Variants in PALM2AKAP2 observed in about 807,000 individuals in gnomAD.
The protein encoded by PALM2AKAP2 is PALM2-AKAP2 fusion protein.
A neutral mutation model predicts 71.5 loss-of-function variants in PALM2AKAP2; 37 were observed. The ratio of observed to expected loss-of-function variants is 0.52; its 90% CI spans 0.40 to 0.68. PALM2AKAP2 has a LOEUF of 0.68. Ranked by LOEUF, PALM2AKAP2 falls within the 30% of genes least tolerant of loss-of-function variation. The pLI is 0.00. For missense variants in PALM2AKAP2, 1,224 were observed against 1,191.8 expected (o/e 1.03, Z -0.40); for synonymous variants, 468 against 478.8 (o/e 0.98, Z 0.29).
At chr9:109,654,189 G>A (rs1290325792) in intron 1 of PALM2AKAP2, among the ~76,000 whole-genome samples, 1 of 151,982 alleles carries the variant, frequency 6.6e-6, no homozygotes, top group Admixed American at 6.6e-5. Context: ...TAATATCTTG[G>A]TATAAATCTC....
At chr9:109,885,806 C>G (rs1438463758) in intron 3 of PALM2AKAP2, among the ~76,000 whole-genome samples, 2 of 152,200 alleles carry the variant, frequency 1.3e-5, no homozygotes, top group Non-Finnish European at 2.9e-5. Flanking sequence ...TTAGAAACAG[C>G]CTTGGTTTAC....
At chr9:109,839,656 T>G (rs1828596423) in intron 1 of PALM2AKAP2, among the ~76,000 whole-genome samples, 1 of 152,248 alleles carries the variant, frequency 6.6e-6, no homozygotes, top group Non-Finnish European at 1.5e-5. Flanking sequence ...CTTAAGCTGA[T>G]AAGCAACTTC....
intron 1 of PALM2AKAP2, among the ~76,000 whole-genome samples, chr9:109,655,106 T>A (rs931293201): frequency 6.6e-6 from 1 of 151,928 alleles, no homozygotes; most frequent in Non-Finnish European, 1.5e-5. Flanking sequence ...TGGCTGATGG[T>A]CTCAGGGTTT....
chr9:109,969,251 G>T (rs1832017716), intron 6 of PALM2AKAP2, among the ~76,000 whole-genome samples: 1 of 152,174 alleles, frequency 6.6e-6, no homozygotes, highest in Admixed American at 6.5e-5. Context: ...CTGCTGGTCT[G>T]GGCCAAATAG....
intron 1 of PALM2AKAP2, among the ~76,000 whole-genome samples, chr9:109,794,172 C>T (rs907911191): frequency 2.0e-5 from 3 of 152,192 alleles, no homozygotes; most frequent in East Asian, 1.9e-4. Flanking sequence ...TTTTGTTTAC[C>T]GAAGCTGGCA....
At chr9:109,724,336 CA>C (rs550646925) in intron 1 of PALM2AKAP2, among the ~76,000 whole-genome samples, 60 of 152,274 alleles carry the variant, frequency 3.9e-4, no homozygotes, top group Non-Finnish European at 3.8e-4. Context: ...AAATGTAATA[CA>C]GTTTCAATTA....
chr9:110,169,288 A>T (rs1364533908), exon 4 of PALM2AKAP2: 2 of 152,646 alleles, frequency 1.3e-5, no homozygotes, highest in Non-Finnish European at 2.9e-5. Flanking sequence ...GTTTCTTCAT[A>T]GGAAAACTAT....
At chr9:109,781,197 C>A (rs745552585) in intron 1 of PALM2AKAP2, among the ~76,000 whole-genome samples, 1 of 152,116 alleles carries the variant, frequency 6.6e-6, no homozygotes, top group Non-Finnish European at 1.5e-5. Flanking sequence ...TGGCAAAGTT[C>A]GTAGGCACTT....
chr9:110,111,095 T>C (rs1310498266), intron 1 of PALM2AKAP2, among the ~76,000 whole-genome samples: 13 of 130,864 alleles, frequency 9.9e-5, no homozygotes, highest in Non-Finnish European at 1.6e-4. Flanking sequence ...TCTTTTTTTT[T>C]TTTTTTTTTT....
chr9:109,872,146 G>C (rs930979835), intron 2 of PALM2AKAP2, among the ~76,000 whole-genome samples: 12 of 151,962 alleles, frequency 7.9e-5, no homozygotes, highest in African/African-American at 2.9e-4. Flanking sequence ...AATCCCTATA[G>C]CTTTTTAATA....
intron 1 of PALM2AKAP2, among the ~76,000 whole-genome samples, chr9:110,097,579 C>T (rs1409562695): frequency 1.3e-5 from 2 of 149,790 alleles, no homozygotes; most frequent in Non-Finnish European, 3.0e-5. Flanking sequence ...CGGGCAGAGA[C>T]GCTCCTCACT....
intron 1 of PALM2AKAP2, among the ~76,000 whole-genome samples, chr9:109,832,872 C>G (rs1317549739): frequency 6.6e-6 from 1 of 152,214 alleles, no homozygotes; most frequent in Non-Finnish European, 1.5e-5. Context: ...GGAATATGCA[C>G]TGAACACTTC....
chr9:109,742,937 G>A (rs1156240826), intron 1 of PALM2AKAP2, among the ~76,000 whole-genome samples: 1 of 152,140 alleles, frequency 6.6e-6, no homozygotes, highest in Non-Finnish European at 1.5e-5. Flanking sequence ...CAAGACCCAG[G>A]AGCCACCTCC....
intron 7 of PALM2AKAP2, among the ~76,000 whole-genome samples, chr9:110,039,320 GTAT>G (rs1317692198): frequency 1.3e-5 from 2 of 152,146 alleles, no homozygotes; most frequent in African/African-American, 2.4e-5. Context: ...ATTTAGTACA[GTAT>G]TATTAACTGT....
At chr9:109,868,846 G>A (rs1460870691) in intron 2 of PALM2AKAP2, among the ~76,000 whole-genome samples, 3 of 152,150 alleles carry the variant, frequency 2.0e-5, no homozygotes, top group Non-Finnish European at 4.4e-5. Flanking sequence ...CGGTGCTGTT[G>A]CTCTTTCCCC....
At chr9:109,881,505 G>A (rs1829849676) in intron 3 of PALM2AKAP2, among the ~76,000 whole-genome samples, 1 of 152,194 alleles carries the variant, frequency 6.6e-6, no homozygotes, top group Admixed American at 6.5e-5. Flanking sequence ...GAAGTGCTGA[G>A]TGAGAGCACC....
chr9:110,060,663 G>A lies in PALM2AKAP2; in HGVS notation c.156+11808G>A, dbSNP rs369992521. Among the ~76,000 whole-genome samples, 244 of 152,110 alleles carry A rather than the reference G, an allele frequency of 1.6e-3. 4 individuals are homozygous for A. The South Asian group carries it at 0.046, about 29-fold the overall frequency. On this transcript the variant is annotated intron_variant, in intron 1 of 3. Coordinates refer to ENST00000374525, the Ensembl canonical transcript of PALM2AKAP2. ...GTTGCCCAGGCTGGAGTGCAGTGGC[G>A]CGATCTCGGCTCACTGCAACCTCCG...
At chr9:109,780,222 C>A (rs1672360209), upstream of PALM2AKAP2, 1 of 1,016,208 alleles carries the variant, frequency 9.8e-7, no homozygotes, top group Non-Finnish European at 1.2e-6. Context: ...GCTGGCGCGG[C>A]CGGCGGCGGC....
chr9:109,720,002 T>G (rs1460117050), intron 1 of PALM2AKAP2, among the ~76,000 whole-genome samples: 4 of 152,032 alleles, frequency 2.6e-5, no homozygotes, highest in African/African-American at 7.2e-5. Context: ...TCCTTTTTTT[T>G]TTTTGAGATG....
Sources: allele counts gnomAD v4.1 joint callset (sites outside exome capture counted in the v4.1 genomes callset), GRCh38; gene constraint gnomAD v4.1.1; transcripts MANE v1.5; gene names NCBI Gene and HGNC (gene_info 2026-07-23, HGNC 2026-07-21).